Variants in SEC61A1 observed in about 807,000 individuals in gnomAD.
SEC61A1 encodes protein transport protein Sec61 subunit alpha isoform 1.
In SEC61A1, 15 loss-of-function variants were observed where a neutral mutation model predicts 55.2. The ratio of observed to expected loss-of-function variants is 0.27; its 90% CI spans 0.18 to 0.42. SEC61A1 has a LOEUF of 0.42. SEC61A1 is among the 10% of genes least tolerant of loss of function. The pLI is 1.00. For synonymous variants in SEC61A1, 247 were observed against 234.0 expected (o/e 1.06, Z -0.51); for missense variants, 284 against 602.6 (o/e 0.47, Z 5.53).
chr3:128,067,744 C>T lies in SEC61A1; in HGVS notation c.1167+132C>T, dbSNP rs768493828. ...GATCGTCGTCCTTTAGGGGGCAGTT[C>T]AGAAGCTTTAAGGGCTGACAGATGG... On this transcript the variant is annotated intron_variant, in intron 10 of 11. Transcript: ENST00000243253. This position sits in a 1 kb window ranked among gnomAD's most constrained non-coding sequence, Gnocchi z 4.1. 1.8e-5 allele frequency: 14 copies of T among 767,958 alleles called. No homozygotes were observed. The highest frequency in any genetic ancestry group is 2.5e-5 in the Non-Finnish European group (12 of 478,656). The allele number at this position is 767,958 out of a possible 1,614,324, so 47.6% of individuals were successfully genotyped here.
chr3:128,060,269 C>A, intron 6 of SEC61A1, 58 bp downstream of exon 6: 2 of 1,293,992 alleles, frequency 1.5e-6, no homozygotes, highest in South Asian at 1.2e-5. Context: ...CTACAATTCT[C>A]ACATAACGAA....
intron 11 of SEC61A1, 40 bp downstream of exon 11, chr3:128,068,099 A>C (rs2107652656): frequency 1.3e-6 from 2 of 1,540,688 alleles, no homozygotes; most frequent in Non-Finnish European, 1.8e-6. Context: ...CCGTCTGTGG[A>C]CATGTGTTGT....
intron 1 of SEC61A1, 107 bp from the exon 2 acceptor site, chr3:128,052,728 C>A (rs1197601599): frequency 6.7e-7 from 1 of 1,484,232 alleles, no homozygotes; most frequent in Non-Finnish European, 9.3e-7. Context: ...GCGGCCGGCT[C>A]CCCTGGCCCC....
chr3:128,063,003 T>C (rs1280219968), intron 7 of SEC61A1, among the ~76,000 whole-genome samples: 1 of 152,212 alleles, frequency 6.6e-6, no homozygotes, highest in East Asian at 1.9e-4. Flanking sequence ...GACAGAATTA[T>C]TACCTTTGGG....
At chr3:128,055,112 G>T (rs76722847) in intron 2 of SEC61A1, among the ~76,000 whole-genome samples, 1 of 152,184 alleles carries the variant, frequency 6.6e-6, no homozygotes, top group Non-Finnish European at 1.5e-5. Flanking sequence ...GTGGTTGCTC[G>T]TGTGTTTTAC....
Position 128,067,787 on chromosome 3 carries a change from G to T in SEC61A1, c.1167+175G>T, listed in dbSNP as rs1289740931. The T allele has an allele frequency of 8.9e-6, 6 of 671,878 alleles. No homozygotes were observed. Among genetic ancestry groups the T allele is most frequent in the Non-Finnish European group, 1.5e-5 (6 of 390,898 alleles). The allele number at this position is 671,878 out of a possible 1,614,324, so 41.6% of individuals were successfully genotyped here. On this transcript the variant is annotated intron_variant, in intron 10 of 11. Transcript: ENST00000243253. This position sits in a 1 kb window ranked among gnomAD's most constrained non-coding sequence, Gnocchi z 4.1. ...ACAGATGGAGTCCAGCAGTAGATCA[G>T]CTGTGGGTATGAGAATCTGAATCCA...
intron 2 of SEC61A1, 50 bp downstream of exon 2, chr3:128,052,952 C>T (rs750667465): frequency 7.7e-6 from 11 of 1,433,550 alleles, no homozygotes; most frequent in Admixed American, 1.9e-5. Flanking sequence ...ACTGTCTGGA[C>T]TCTGGAAGTT....
chr3:128,052,683 C>T, intron 1 of SEC61A1, 124 bp downstream of exon 1: 2 of 1,529,122 alleles, frequency 1.3e-6, no homozygotes, highest in Middle Eastern at 1.7e-4. Context: ...GCCCGTGCCC[C>T]CGGCCCTTCT....
At chr3:128,068,903 A>G (rs1040164459) in intron 11 of SEC61A1, 1 of 152,422 alleles carries the variant, frequency 6.6e-6, no homozygotes, top group African/African-American at 2.4e-5. Flanking sequence ...AGGTTGTCCT[A>G]TGGGCCTTAC....
intron 11 of SEC61A1, chr3:128,068,528 T>C (rs1942053280): frequency 6.1e-6 from 1 of 163,128 alleles, no homozygotes; most frequent in African/African-American, 2.4e-5. Flanking sequence ...CGGAAGGGGT[T>C]GATGTGCATC....
At chr3:128,058,905 T>C (rs1294010239) in intron 5 of SEC61A1, among the ~76,000 whole-genome samples, 1 of 152,238 alleles carries the variant, frequency 6.6e-6, no homozygotes, top group East Asian at 1.9e-4. Context: ...ACAAATTGGC[T>C]GTTTTCTCTT....
chr3:128,058,805 G>A (rs1941813752), intron 5 of SEC61A1, among the ~76,000 whole-genome samples: 1 of 151,998 alleles, frequency 6.6e-6, no homozygotes, highest in Non-Finnish European at 1.5e-5. Flanking sequence ...GTTTGAGGCT[G>A]CTAGTGCACC....
At chr3:128,055,348 C>T (rs112911744) in intron 2 of SEC61A1, among the ~76,000 whole-genome samples, 168 bp from the exon 3 acceptor site, 5 of 152,244 alleles carry the variant, frequency 3.3e-5, no homozygotes, top group East Asian at 1.9e-4. Flanking sequence ...GAGGAAGTTA[C>T]GCAGTACATG....
At chr3:128,064,735 A>G (rs1576422888) in intron 7 of SEC61A1, 142 bp from the exon 8 acceptor site, 1 of 646,908 alleles carries the variant, frequency 1.5e-6, no homozygotes. Flanking sequence ...AGAATAATAC[A>G]TGCTGTATCC....
chr3:128,063,940 A>G (rs533776383), intron 7 of SEC61A1, among the ~76,000 whole-genome samples: 2 of 152,204 alleles, frequency 1.3e-5, no homozygotes, highest in Non-Finnish European at 2.9e-5. Context: ...TGGTTCTTAG[A>G]TTGGGTCCCT....
At chr3:128,059,285 AAC>A (rs1224281305) in intron 5 of SEC61A1, among the ~76,000 whole-genome samples, 1 of 152,140 alleles carries the variant, frequency 6.6e-6, no homozygotes, top group African/African-American at 2.4e-5. Context: ...CATCCTGGCT[AAC>A]ACAGTGAAAC....
chr3:128,057,201 G>A (rs1289942311), intron 5 of SEC61A1, among the ~76,000 whole-genome samples: 2 of 152,184 alleles, frequency 1.3e-5, no homozygotes, highest in Non-Finnish European at 2.9e-5. Context: ...CAAAGTGCTG[G>A]GATTATAGGC....
At position 128,055,546 on chromosome 3, in the gene SEC61A1, G is replaced by A; in HGVS notation, c.106G>A (p.Ala36Thr). The A allele has an allele frequency of 1.2e-6, 2 of 1,613,418 alleles. No individual in the cohort carries two copies. The highest frequency in any genetic ancestry group is 2.2e-5 in the East Asian group (1 of 44,878). ...GTTTAAGGAGAAAGTGCTGTGGACC[G>A]CTATCACCCTCTTTATCTTCTTAGT... is the stretch of plus-strand genomic sequence containing the variant. ...IQFKEKVLWT[A>T]ITLFIFLVCC... Residue 36 changes from alanine to threonine, a missense_variant, in exon 3 of 12, where the codon GCT (alanine) becomes ACT (threonine). Ala to Thr is a moderately conservative substitution (Grantham distance 58, BLOSUM62 0). Coordinates refer to ENST00000243253, the MANE Select transcript of SEC61A1 (RefSeq NM_013336.4).
intron 7 of SEC61A1, among the ~76,000 whole-genome samples, chr3:128,061,944 G>C (rs1406881258): frequency 6.6e-6 from 1 of 152,178 alleles, no homozygotes; most frequent in Non-Finnish European, 1.5e-5. Flanking sequence ...TGAGTAATGG[G>C]AGCCAGAGTT....
Sources: allele counts gnomAD v4.1 joint callset (sites outside exome capture counted in the v4.1 genomes callset), GRCh38; gene constraint gnomAD v4.1.1; non-coding constraint Gnocchi (gnomAD v3.1); transcripts MANE v1.5; gene names NCBI Gene and HGNC (gene_info 2026-07-23, HGNC 2026-07-21).